The following NKAIN3 variants were observed in gnomAD, a reference collection of about 807,000 sequenced individuals.
NKAIN3 encodes the protein sodium/potassium-transporting ATPase subunit beta-1-interacting protein 3.
A neutral mutation model predicts 30.2 loss-of-function variants in NKAIN3; 25 were observed. That is an observed-to-expected ratio of 0.83 (90% CI 0.60 to 1.16). The LOEUF is 1.16. Among genes scored for constraint, NKAIN3 ranks in the 50% most tolerant of loss-of-function variants. The pLI, the probability that NKAIN3 is intolerant of heterozygous loss-of-function variation, is 0.00. For missense variants in NKAIN3, 225 were observed against 254.1 expected (o/e 0.89, Z 0.78); for synonymous variants, 91 against 89.6 (o/e 1.02, Z -0.09).
chr8:62,949,344 C>G (rs1002004680), intron 5 of NKAIN3, among the ~76,000 whole-genome samples: 1 of 152,088 alleles, frequency 6.6e-6, no homozygotes, highest in Non-Finnish European at 1.5e-5. Flanking sequence ...AGAAAAGTTG[C>G]TATTGGTTGT....
At chr8:62,861,529 C>T (rs2130788196) in intron 4 of NKAIN3, among the ~76,000 whole-genome samples, 1 of 152,250 alleles carries the variant, frequency 6.6e-6, no homozygotes, top group South Asian at 2.1e-4. Context: ...AGCAGCCTCC[C>T]TTAGGTAGGA....
chr8:62,909,214 C>T (rs946969802), intron 4 of NKAIN3, among the ~76,000 whole-genome samples: 1 of 152,130 alleles, frequency 6.6e-6, no homozygotes, highest in African/African-American at 2.4e-5. Context: ...ACAAACCAAT[C>T]CCACATACAA....
chr8:62,957,683 A>AT (rs1252389206), intron 6 of NKAIN3, among the ~76,000 whole-genome samples: 1 of 152,164 alleles, frequency 6.6e-6, no homozygotes, highest in African/African-American at 2.4e-5. Flanking sequence ...AACTATGGAG[A>AT]CAGTACACAG....
chr8:62,291,416 C>T (rs1169951764), intron 1 of NKAIN3, among the ~76,000 whole-genome samples: 1 of 152,098 alleles, frequency 6.6e-6, no homozygotes, highest in African/African-American at 2.4e-5. Context: ...TGAATGTGTC[C>T]CAGAGTTTCT....
chr8:62,455,305 G>A (rs866519652), intron 1 of NKAIN3, among the ~76,000 whole-genome samples: 19 of 152,116 alleles, frequency 1.2e-4, no homozygotes, highest in South Asian at 4.1e-4. Context: ...AAGAAAGTGC[G>A]GTTCATGTAC....
intron 3 of NKAIN3, among the ~76,000 whole-genome samples, chr8:62,745,836 G>C (rs1176608279): frequency 6.6e-6 from 1 of 152,150 alleles, no homozygotes; most frequent in African/African-American, 2.4e-5. Flanking sequence ...GGGCTTTGGA[G>C]GGGGAAGACA....
In NKAIN3 at chr8:62,861,419, C is replaced by G. The variant is rs529820892; in HGVS notation, c.472-57034C>G. Among the ~76,000 whole-genome samples, 15 of 152,290 alleles carry G rather than the reference C, an allele frequency of 9.8e-5. No individual in the cohort carries two copies. In the East Asian group the frequency reaches 2.1e-3, roughly 22 times the overall value. On this transcript the variant is annotated intron_variant, in intron 4 of 6. Coordinates refer to ENST00000623646, the MANE Select transcript of NKAIN3 (RefSeq NM_001304533.3). ...ATATATGTTCTGCATACTACCTAGT[C>G]CCTCACAACCTTGTGATTCTGGGAA...
chr8:62,329,545 T>G (rs537400151), intron 1 of NKAIN3, among the ~76,000 whole-genome samples: 1 of 152,208 alleles, frequency 6.6e-6, no homozygotes, highest in South Asian at 2.1e-4. Flanking sequence ...TTTGCAATCA[T>G]GTGTATTCAA....
chr8:62,630,070 A>T (rs1010958524), intron 3 of NKAIN3, among the ~76,000 whole-genome samples: 4 of 152,126 alleles, frequency 2.6e-5, no homozygotes, highest in Non-Finnish European at 5.9e-5. Context: ...ATAATATATT[A>T]TAGTCATTCT....
intron 4 of NKAIN3, among the ~76,000 whole-genome samples, chr8:62,779,425 T>C (rs1586186734): frequency 1.3e-5 from 2 of 152,142 alleles, no homozygotes; most frequent in East Asian, 3.9e-4. Flanking sequence ...AGGGCTGTTA[T>C]AAATGCTCCC....
At chr8:62,911,056 T>C (rs1338692863) in intron 4 of NKAIN3, among the ~76,000 whole-genome samples, 3 of 152,174 alleles carry the variant, frequency 2.0e-5, no homozygotes, top group African/African-American at 2.4e-5. Context: ...TGTTAACGTA[T>C]ACTTTAGGCA....
At chr8:62,595,372 G>A (rs956398864) in intron 3 of NKAIN3, among the ~76,000 whole-genome samples, 3 of 137,258 alleles carry the variant, frequency 2.2e-5, no homozygotes, top group Non-Finnish European at 4.6e-5. Flanking sequence ...GGGTTTTTTG[G>A]GGCTATTTTC....
chr8:62,487,883 C>A (rs532483833), intron 1 of NKAIN3, among the ~76,000 whole-genome samples: 1 of 152,078 alleles, frequency 6.6e-6, no homozygotes, highest in African/African-American at 2.4e-5. Flanking sequence ...GGGTAGTATA[C>A]CAGGAAAATG....
At position 62,647,555 on chromosome 8, in the gene NKAIN3, G is replaced by T. The variant is rs955387756; in HGVS notation, c.273+57761G>T. 3.5e-4 allele frequency among the ~76,000 whole-genome samples: 54 copies of T among 152,302 alleles called. No homozygotes were observed. The Middle Eastern group carries it at 0.01, about 29-fold the overall frequency. ...AGGAAAGGGGTGGGGATCCAGAAAG[G>T]CTTCCTGGACGAAGGAATATCCACG... On this transcript the variant is annotated intron_variant, in intron 3 of 6. Coordinates refer to ENST00000623646, the MANE Select transcript of NKAIN3 (RefSeq NM_001304533.3).
In NKAIN3 at chr8:62,350,183, T is replaced by C. The variant is rs1585711122; in HGVS notation, c.54+101056T>C. Among the ~76,000 whole-genome samples, 6 of 152,340 alleles carry C rather than the reference T, an allele frequency of 3.9e-5. No individual in the cohort carries two copies. The South Asian group carries it at 1.2e-3, about 32-fold the overall frequency. ...TTCACAACCAAGTGCATAGCAGCAT[T>C]ATTCACAATAGCCAAAAGGTGGAAA... is the stretch of plus-strand genomic sequence containing the variant. On this transcript the variant is annotated intron_variant, in intron 1 of 6. Coordinates refer to ENST00000623646, the MANE Select transcript of NKAIN3 (RefSeq NM_001304533.3).
At chr8:62,787,067 C>G (rs1409694692) in intron 4 of NKAIN3, among the ~76,000 whole-genome samples, 6 of 152,096 alleles carry the variant, frequency 3.9e-5, no homozygotes, top group African/African-American at 1.4e-4. Context: ...AGGAGAAAAA[C>G]AGAAAAAGAA....
chr8:62,660,495 T>C (rs1225729879), intron 3 of NKAIN3, among the ~76,000 whole-genome samples: 5 of 152,088 alleles, frequency 3.3e-5, no homozygotes, highest in Non-Finnish European at 7.4e-5. Context: ...CACCTGGTGT[T>C]ATATTAGTAG....
chr8:62,837,377 C>T (rs1267873365), intron 4 of NKAIN3, among the ~76,000 whole-genome samples: 1 of 152,152 alleles, frequency 6.6e-6, no homozygotes, highest in South Asian at 2.1e-4. Context: ...AACATAGAGG[C>T]GGAGGAAACG....
chr8:62,998,844 T>A (rs774123451), intron 5 of NKAIN3, among the ~76,000 whole-genome samples: 6 of 152,200 alleles, frequency 3.9e-5, no homozygotes, highest in Non-Finnish European at 5.9e-5. Flanking sequence ...TCCTGCTTGA[T>A]AAACCAACTA....
Sources: gnomAD v4.1 joint callset for allele counts (sites outside exome capture counted in the v4.1 genomes callset) on GRCh38, gnomAD v4.1.1 for gene constraint, MANE v1.5 for transcripts, NCBI Gene and HGNC (gene_info 2026-07-23, HGNC 2026-07-21) for gene names.